CLASP1: variants seen among roughly 807,000 people sequenced by gnomAD.
The protein encoded by CLASP1 is CLIP-associating protein 1.
CLASP1 carries 38 observed loss-of-function variants against 192.3 expected under a neutral mutation model. That is an observed-to-expected ratio of 0.20 (90% CI 0.15 to 0.26). CLASP1 has a LOEUF of 0.26. Among genes scored for constraint, CLASP1 ranks in the 10% least tolerant of loss-of-function variants. The probability of loss-of-function intolerance (pLI) is 1.00; values close to 1 mark genes in which losing one functional copy is unlikely to be tolerated. For missense variants in CLASP1, 1,433 were observed against 1,932.5 expected (o/e 0.74, Z 4.85); for synonymous variants, 691 against 712.8 (o/e 0.97, Z 0.49).
intron 1 of CLASP1, among the ~76,000 whole-genome samples, chr2:121,630,178 C>T (rs2069228889): frequency 6.6e-6 from 1 of 152,102 alleles, no homozygotes. Flanking sequence ...CCTCCGCCTC[C>T]CAAACTGCTG....
chr2:121,479,451 A>G lies in CLASP1; in HGVS notation c.713-9491T>C, dbSNP rs552259822. ...AACAACTTCAACAAAAGGAAACTAC[A>G]TAACATTCTTAAGATCCAGTAAAGA... is the stretch of plus-strand genomic sequence containing the variant. On this transcript the variant is annotated intron_variant, in intron 8 of 39. Coordinates refer to ENST00000263710, the Ensembl canonical transcript of CLASP1. Among the ~76,000 whole-genome samples, 31 of 152,364 alleles carry G rather than the reference A, an allele frequency of 2.0e-4. 1 individual carries two copies. The highest frequency in any genetic ancestry group is 6.8e-3 in the Middle Eastern group (2 of 294).
chr2:121,405,994 T>C (rs766013123), intron 25 of CLASP1, among the ~76,000 whole-genome samples: 1 of 152,204 alleles, frequency 6.6e-6, no homozygotes, highest in Non-Finnish European at 1.5e-5. Flanking sequence ...ACTTATCTTA[T>C]AAAAATCATC....
chr2:121,591,045 T>A (rs1424462697), intron 2 of CLASP1, among the ~76,000 whole-genome samples: 1 of 152,038 alleles, frequency 6.6e-6, no homozygotes, highest in Non-Finnish European at 1.5e-5. Context: ...TTTTTGTATT[T>A]TTAGTGGAGA....
chr2:121,644,369 G>C (rs1190697048), intron 1 of CLASP1, among the ~76,000 whole-genome samples: 1 of 151,702 alleles, frequency 6.6e-6, no homozygotes, highest in African/African-American at 2.4e-5. Context: ...AAAAACAATG[G>C]CCGGGGGCAG....
intron 12 of CLASP1, among the ~76,000 whole-genome samples, chr2:121,459,401 C>T (rs1354809312): frequency 6.6e-6 from 1 of 152,112 alleles, no homozygotes; most frequent in African/African-American, 2.4e-5. Context: ...ACCCTTGGCT[C>T]CTTTTTCTTT....
intron 2 of CLASP1, 101 bp from the exon 3 acceptor site, chr2:121,530,426 A>C: frequency 1.2e-6 from 1 of 809,590 alleles, no homozygotes; most frequent in Non-Finnish European, 2.0e-6. Context: ...GCCCAGACGC[A>C]GTCCGAGAGT....
At chr2:121,473,248 AAAAG>A (rs1424322764) in intron 8 of CLASP1, among the ~76,000 whole-genome samples, 2 of 152,354 alleles carry the variant, frequency 1.3e-5, no homozygotes, top group Middle Eastern at 3.4e-3. Context: ...TTCATAAGAA[AAAAG>A]AAAGTTTTTT....
At chr2:121,566,236 C>T (rs1559629059) in intron 2 of CLASP1, among the ~76,000 whole-genome samples, 4 of 152,232 alleles carry the variant, frequency 2.6e-5, no homozygotes, top group African/African-American at 7.2e-5. Flanking sequence ...AGTGGGACCA[C>T]AGGCCAGACC....
intron 2 of CLASP1, among the ~76,000 whole-genome samples, chr2:121,601,588 A>T (rs576231353): frequency 1.2e-4 from 18 of 152,192 alleles, no homozygotes; most frequent in Non-Finnish European, 1.8e-4. Context: ...GCTTTTAAGA[A>T]CTAGAACAGT....
chr2:121,451,557 T>G (rs1254600417), intron 15 of CLASP1, among the ~76,000 whole-genome samples: 1 of 152,242 alleles, frequency 6.6e-6, no homozygotes, highest in East Asian at 1.9e-4. Flanking sequence ...CAGTTTACAT[T>G]GGCTCTGCAG....
chr2:121,346,552 G>A (rs1386909086), intron 39 of CLASP1, among the ~76,000 whole-genome samples: 2 of 152,242 alleles, frequency 1.3e-5, no homozygotes, highest in African/African-American at 4.8e-5. Context: ...CGTGGGGCAC[G>A]TTAAGGGGGA....
At chr2:121,512,474 A>G (rs1193860505) in intron 7 of CLASP1, among the ~76,000 whole-genome samples, 1 of 152,254 alleles carries the variant, frequency 6.6e-6, no homozygotes, top group Non-Finnish European at 1.5e-5. Flanking sequence ...TAATACATGT[A>G]AAAACCATGT....
chr2:121,375,608 C>T (rs193159333), intron 34 of CLASP1, among the ~76,000 whole-genome samples: 173 of 152,160 alleles, frequency 1.1e-3, no homozygotes, highest in African/African-American at 3.9e-3. Context: ...ATGATCCACC[C>T]GCCTCGGCCT....
intron 1 of CLASP1, among the ~76,000 whole-genome samples, chr2:121,616,045 C>T (rs2066399836): frequency 6.6e-6 from 1 of 152,086 alleles, no homozygotes; most frequent in African/African-American, 2.4e-5. Flanking sequence ...AACACGAAGT[C>T]AAATCATAAA....
chr2:121,377,797 T>C (rs1316646978), intron 33 of CLASP1, 148 bp from the exon 35 acceptor site: 2 of 568,738 alleles, frequency 3.5e-6, no homozygotes, highest in African/African-American at 3.8e-5. Flanking sequence ...AGACGTCTTT[T>C]GTTAGAGTAC....
chr2:121,461,571 C>A (rs2087960662), intron 10 of CLASP1, among the ~76,000 whole-genome samples: 1 of 152,164 alleles, frequency 6.6e-6, no homozygotes. Context: ...AATCTACTTT[C>A]TCATTTATCC....
intron 8 of CLASP1, among the ~76,000 whole-genome samples, chr2:121,496,287 C>G (rs544713021): frequency 5.3e-5 from 8 of 152,258 alleles, no homozygotes; most frequent in African/African-American, 1.7e-4. Flanking sequence ...TTGAGTCAGC[C>G]TAGGAAGCCG....
chr2:121,566,692 C>T (rs529749555), intron 2 of CLASP1, among the ~76,000 whole-genome samples: 1 of 152,284 alleles, frequency 6.6e-6, no homozygotes, highest in East Asian at 1.9e-4. Flanking sequence ...ATAATAACTA[C>T]CTACCAATGC....
At chr2:121,606,601 T>C (rs1449679461) in intron 1 of CLASP1, among the ~76,000 whole-genome samples, 3 of 152,006 alleles carry the variant, frequency 2.0e-5, no homozygotes, top group African/African-American at 7.3e-5. Flanking sequence ...AAAAACCAAG[T>C]ATGGGAAATG....
Sources: gnomAD v4.1 joint callset for allele counts (sites outside exome capture counted in the v4.1 genomes callset) on GRCh38, gnomAD v4.1.1 for gene constraint, MANE v1.5 for transcripts, NCBI Gene and HGNC (gene_info 2026-07-23, HGNC 2026-07-21) for gene names.